The following COL8A1 variants were observed in gnomAD, a reference collection of about 807,000 sequenced individuals.
COL8A1 encodes the protein collagen alpha-1(VIII) chain.
Under a neutral mutation model 42.7 loss-of-function variants are expected in COL8A1, and 21 were observed. The ratio of observed to expected loss-of-function variants is 0.49; its 90% CI spans 0.35 to 0.71. The LOEUF (loss-of-function observed/expected upper bound fraction) is 0.71, where lower values mean the gene tolerates loss of function less well. Among genes scored for constraint, COL8A1 ranks in the 30% least tolerant of loss-of-function variants. The probability of loss-of-function intolerance (pLI) is 0.01; values close to 1 mark genes in which losing one functional copy is unlikely to be tolerated. For missense variants in COL8A1, 788 were observed against 962.4 expected, an observed-to-expected ratio of 0.82 and a Z score of 2.40; for synonymous variants, 367 against 369.1, an observed-to-expected ratio of 0.99 and a Z score of 0.06.
At chr3:99,789,163 T>C (rs1231084807) in intron 2 of COL8A1, among the ~76,000 whole-genome samples, 2 of 152,182 alleles carry the variant, frequency 1.3e-5, no homozygotes, top group Non-Finnish European at 2.9e-5. Context: ...ACCAATCCTT[T>C]TGTAGCCTGT....
chr3:99,670,945 GGT>G (rs57998251), intron 1 of COL8A1, among the ~76,000 whole-genome samples: 5,193 of 149,096 alleles, frequency 0.035, 142 homozygotes, highest in East Asian at 0.064. Context: ...GCTCATCCGG[GGT>G]GTGTGTGTGT....
chr3:99,703,128 T>C lies in COL8A1; in HGVS notation c.-128-41769T>C, dbSNP rs537624076. Among the ~76,000 whole-genome samples, 6 of 152,282 alleles carry C rather than the reference T, an allele frequency of 3.9e-5. No homozygotes were observed. In the South Asian group the frequency reaches 1.2e-3, roughly 32 times the overall value. On this transcript the variant is annotated intron_variant, in intron 1 of 3. Transcript: ENST00000652472. ...AGCAAGACCTTGGTTTTCACACTAA[T>C]GAAGATAAGGAACTAGTGAGGGTAT...
chr3:99,745,705 T>C (rs1201413725), intron 2 of COL8A1, among the ~76,000 whole-genome samples: 1 of 152,206 alleles, frequency 6.6e-6, no homozygotes, highest in East Asian at 1.9e-4. Context: ...TTTCTTTGTA[T>C]GTGGTATTGA....
At chr3:99,787,781 C>T (rs1418269633) in intron 2 of COL8A1, among the ~76,000 whole-genome samples, 2 of 151,982 alleles carry the variant, frequency 1.3e-5, no homozygotes, top group African/African-American at 4.8e-5. Flanking sequence ...GACATGACAC[C>T]CATCACTAAG....
At chr3:99,776,938 T>C (rs1021380902) in intron 2 of COL8A1, among the ~76,000 whole-genome samples, 1 of 152,196 alleles carries the variant, frequency 6.6e-6, no homozygotes, top group East Asian at 1.9e-4. Flanking sequence ...ATCATGCTAA[T>C]GCATTATAAC....
intron 1 of COL8A1, among the ~76,000 whole-genome samples, chr3:99,722,370 G>A (rs1183299546): frequency 6.6e-6 from 1 of 152,082 alleles, no homozygotes; most frequent in Non-Finnish European, 1.5e-5. Context: ...ACTGCAAAGT[G>A]ATTTAGCATG....
chr3:99,653,400 G>A (rs1294981259), intron 1 of COL8A1, among the ~76,000 whole-genome samples: 1 of 151,916 alleles, frequency 6.6e-6, no homozygotes, highest in Non-Finnish European at 1.5e-5. Context: ...TTTGGTTTGG[G>A]TGGGGGGTTG....
chr3:99,692,845 C>T (rs982992619), intron 1 of COL8A1, among the ~76,000 whole-genome samples: 1 of 152,216 alleles, frequency 6.6e-6, no homozygotes, highest in Non-Finnish European at 1.5e-5. Flanking sequence ...AACAAACCTA[C>T]TGCACTGCCA....
intron 1 of COL8A1, among the ~76,000 whole-genome samples, chr3:99,737,597 C>A (rs1459992092): frequency 1.3e-5 from 2 of 152,302 alleles, no homozygotes; most frequent in African/African-American, 4.8e-5. Flanking sequence ...AAGAGATCCG[C>A]TGTCAGTCTG....
chr3:99,795,574 TTCCAGGACCCCCAGGCCC>T lies in COL8A1; in HGVS notation c.1683_1700del (p.Gly566_Pro571del), dbSNP rs1303401647. The T allele has an allele frequency of 1.2e-6, 2 of 1,610,032 alleles. No individual in the cohort carries two copies. The highest frequency in any genetic ancestry group is 1.7e-6 in the Non-Finnish European group (2 of 1,177,754). On this transcript the variant is annotated inframe_deletion, in exon 4 of 4. Coordinates refer to ENST00000652472, the MANE Select transcript of COL8A1 (RefSeq NM_020351.4). ...CTTGGTCCTCAAGGCCAGCCTGGCCTTCCAGGACCCCCAGGCCCTCCAGGACCTCCAGGACCCCCAGCT... is the reference window on the plus strand; with the variant it reads ...CTTGGTCCTCAAGGCCAGCCTGGCCTTCCAGGACCTCCAGGACCCCCAGCT...
intron 2 of COL8A1, among the ~76,000 whole-genome samples, chr3:99,755,602 G>C (rs1941238743): frequency 6.6e-6 from 1 of 152,238 alleles, no homozygotes; most frequent in African/African-American, 2.4e-5. Flanking sequence ...GAGAATGATA[G>C]GATGAGGGAT....
intron 1 of COL8A1, among the ~76,000 whole-genome samples, chr3:99,655,558 G>A (rs1361282523): frequency 3.3e-5 from 5 of 152,124 alleles, no homozygotes; most frequent in Admixed American, 6.5e-5. Context: ...TATCTGACTC[G>A]CTGGAGAAAA....
At chr3:99,722,431 A>G (rs1940181739) in intron 1 of COL8A1, among the ~76,000 whole-genome samples, 1 of 152,190 alleles carries the variant, frequency 6.6e-6, no homozygotes, top group African/African-American at 2.4e-5. Flanking sequence ...TTAATCTGTC[A>G]TATAAGCAGG....
chr3:99,676,074 C>T (rs1185810464), intron 1 of COL8A1, among the ~76,000 whole-genome samples: 1 of 152,032 alleles, frequency 6.6e-6, no homozygotes, highest in Non-Finnish European at 1.5e-5. Context: ...TATTATAAAA[C>T]ACTTTATACC....
intron 1 of COL8A1, among the ~76,000 whole-genome samples, chr3:99,675,105 T>C (rs1209431414): frequency 1.3e-5 from 2 of 151,958 alleles, no homozygotes; most frequent in Non-Finnish European, 2.9e-5. Context: ...TCTCATTTCA[T>C]CCATAATCTG....
At position 99,790,739 on chromosome 3, in the gene COL8A1, G is replaced by A; in HGVS notation, c.57G>A (p.Leu19=). The A allele has an allele frequency of 6.2e-7, 1 of 1,614,156 alleles. No homozygotes were observed. Among genetic ancestry groups the A allele is most frequent in the Non-Finnish European group, 8.5e-7 (1 of 1,180,036 alleles). Residue 19 remains leucine, a synonymous_variant, in exon 3 of 4, where the codon CTG becomes CTA. Transcript: ENST00000652472. ...QLLGVLLTIS[L]SSIRLIQAGA... is the part of the protein sequence containing the mutation. The stretch of plus-strand genomic sequence containing the variant: ...TGGGAGTGCTGCTTACCATTTCCCT[G>A]AGTTCCATCAGGCTCATTCAGGCTG...
chr3:99,750,294 G>A (rs1038620730), intron 2 of COL8A1, among the ~76,000 whole-genome samples: 15 of 151,840 alleles, frequency 9.9e-5, no homozygotes, highest in Non-Finnish European at 2.2e-4. Flanking sequence ...TGATCTCCAG[G>A]AATCCGCCCA....
chr3:99,651,781 C>T (rs977097646), intron 1 of COL8A1, among the ~76,000 whole-genome samples: 11 of 152,204 alleles, frequency 7.2e-5, no homozygotes, highest in African/African-American at 2.4e-4. Flanking sequence ...TCTGACTCAG[C>T]ACAGAGCAGG....
chr3:99,658,403 G>A (rs535941407), intron 1 of COL8A1, among the ~76,000 whole-genome samples: 2 of 152,306 alleles, frequency 1.3e-5, no homozygotes, highest in East Asian at 3.9e-4. Context: ...AGCATTCCCA[G>A]AAGTCTCCTT....
Sources: allele counts gnomAD v4.1 joint callset (sites outside exome capture counted in the v4.1 genomes callset), GRCh38; gene constraint gnomAD v4.1.1; transcripts MANE v1.5; gene names NCBI Gene and HGNC (gene_info 2026-07-23, HGNC 2026-07-21).